The following KCNH7 variants were observed in gnomAD, a reference collection of about 807,000 sequenced individuals.
KCNH7 encodes the protein voltage-gated inwardly rectifying potassium channel KCNH7.
Under a neutral mutation model 120.8 loss-of-function variants are expected in KCNH7, and 49 were observed. The ratio of observed to expected loss-of-function variants is 0.41; its 90% CI spans 0.32 to 0.51. KCNH7 has a LOEUF of 0.51. Ranked by LOEUF, KCNH7 falls within the 20% of genes least tolerant of loss-of-function variation. The pLI is 0.38. For missense variants in KCNH7, 1,097 were observed against 1,446.6 expected, an observed-to-expected ratio of 0.76 and a Z score of 3.92; for synonymous variants, 547 against 516.1, an observed-to-expected ratio of 1.06 and a Z score of -0.81.
intron 2 of KCNH7, among the ~76,000 whole-genome samples, chr2:162,654,859 T>G (rs1417517832): frequency 6.6e-6 from 1 of 152,124 alleles, no homozygotes; most frequent in Non-Finnish European, 1.5e-5. Flanking sequence ...GACATTATAT[T>G]AAATGAAATA....
chr2:162,664,619 G>C (rs1685073068), intron 2 of KCNH7, among the ~76,000 whole-genome samples: 1 of 152,136 alleles, frequency 6.6e-6, no homozygotes, highest in Non-Finnish European at 1.5e-5. Context: ...AGGAGAGACA[G>C]AGAAAGTAAT....
chr2:162,586,358 T>C (rs1265212610), intron 2 of KCNH7, among the ~76,000 whole-genome samples: 1 of 152,042 alleles, frequency 6.6e-6, no homozygotes, highest in African/African-American at 2.4e-5. Flanking sequence ...TGAAAAACCT[T>C]AGGACAATGA....
At chr2:162,521,658 G>A (rs144193025) in intron 3 of KCNH7, among the ~76,000 whole-genome samples, 1 of 151,940 alleles carries the variant, frequency 6.6e-6, no homozygotes, top group East Asian at 2.0e-4. Flanking sequence ...TGAAGTGCAT[G>A]TGATATTTTG....
intron 2 of KCNH7, among the ~76,000 whole-genome samples, chr2:162,670,056 G>A (rs1399251152): frequency 1.3e-5 from 2 of 152,062 alleles, no homozygotes; most frequent in East Asian, 1.9e-4. Flanking sequence ...GCAGGAGATT[G>A]CGCCACTGTA....
chr2:162,780,983 TG>T (rs1683459321), intron 2 of KCNH7, among the ~76,000 whole-genome samples: 1 of 152,126 alleles, frequency 6.6e-6, no homozygotes, highest in East Asian at 1.9e-4. Flanking sequence ...TATATCCTAT[TG>T]TATATATCCA....
At position 162,813,687 on chromosome 2, in the gene KCNH7, C is replaced by G. The variant is rs190106618; in HGVS notation, c.307+22850G>C. 2.6e-5 allele frequency among the ~76,000 whole-genome samples: 4 copies of G among 152,266 alleles called. No individual in the cohort carries two copies. In the East Asian group the frequency reaches 5.8e-4, roughly 22 times the overall value. Reference sequence around the variant, plus strand: ...AACTTCCTTTTAATATTTGTATTCTCTTTTACATTTTTACACACTAAATAT... The same window carrying G: ...AACTTCCTTTTAATATTTGTATTCTGTTTTACATTTTTACACACTAAATAT... On this transcript the variant is annotated intron_variant, in intron 2 of 15. Coordinates refer to ENST00000332142, the MANE Select transcript of KCNH7 (RefSeq NM_033272.4).
chr2:162,602,290 G>A lies in KCNH7; in HGVS notation c.308-65210C>T, dbSNP rs146308941. ...ACAGCTTCAGGGCCTAGATGAACTG[G>A]AAGGTTGTTTAACAAGTTCATCCAA... On this transcript the variant is annotated intron_variant, in intron 2 of 15. Transcript: ENST00000332142. Among the ~76,000 whole-genome samples, 495 of 152,116 alleles carry A rather than the reference G, an allele frequency of 3.3e-3. 2 individuals are homozygous for A. The highest frequency in any genetic ancestry group is 5.1e-3 in the Non-Finnish European group (349 of 67,968).
chr2:162,380,288 G>C (rs1686371031), intron 13 of KCNH7, among the ~76,000 whole-genome samples: 1 of 150,550 alleles, frequency 6.6e-6, no homozygotes, highest in Non-Finnish European at 1.5e-5. Context: ...TTTTCTTTCT[G>C]TTTGTGCTAG....
At chr2:162,643,306 A>C (rs975523578) in intron 2 of KCNH7, among the ~76,000 whole-genome samples, 1 of 152,056 alleles carries the variant, frequency 6.6e-6, no homozygotes, top group Non-Finnish European at 1.5e-5. Context: ...ATTTATCAGA[A>C]CCTATTTGCA....
In KCNH7 at chr2:162,821,570, A is replaced by G. The variant is rs563111392; in HGVS notation, c.307+14967T>C. Among the ~76,000 whole-genome samples the G allele has an allele frequency of 2.0e-5, 3 of 152,342 alleles. No homozygotes were observed. The South Asian group carries it at 6.2e-4, about 32-fold the overall frequency. ...AATGGCATACATTTTGAAAAATGTC[A>G]GATATAGTTTGTATTCAGAGTGTCT... On this transcript the variant is annotated intron_variant, in intron 2 of 15. Transcript: ENST00000332142.
At chr2:162,422,826 T>C (rs1486903926) in intron 9 of KCNH7, among the ~76,000 whole-genome samples, 1 of 152,090 alleles carries the variant, frequency 6.6e-6, no homozygotes, top group Non-Finnish European at 1.5e-5. Flanking sequence ...AGAAAAAAAA[T>C]TCTTAAAAGT....
At chr2:162,637,152 C>T (rs893935311) in intron 2 of KCNH7, among the ~76,000 whole-genome samples, 1 of 152,076 alleles carries the variant, frequency 6.6e-6, no homozygotes, top group African/African-American at 2.4e-5. Context: ...GTTGATAGTG[C>T]CATTTTCCAT....
At chr2:162,607,220 C>CAAAAAAA (rs34786286) in intron 2 of KCNH7, among the ~76,000 whole-genome samples, 25 of 111,932 alleles carry the variant, frequency 2.2e-4, no homozygotes, top group Non-Finnish European at 3.2e-4. Context: ...ACTAAAAATA[C>CAAAAAAA]AAAAAAAAAA....
At chr2:162,735,439 C>G (rs1687871596) in intron 2 of KCNH7, among the ~76,000 whole-genome samples, 1 of 152,136 alleles carries the variant, frequency 6.6e-6, no homozygotes, top group South Asian at 2.1e-4. Flanking sequence ...GCTTATGGCA[C>G]CAGAGTCACA....
intron 9 of KCNH7, among the ~76,000 whole-genome samples, chr2:162,406,770 T>C (rs1336314517): frequency 6.6e-6 from 1 of 152,006 alleles, no homozygotes; most frequent in African/African-American, 2.4e-5. Context: ...TTAGCACTTG[T>C]AAGATACTAA....
In KCNH7 at chr2:162,431,963, G is replaced by A. The variant is rs552237263; in HGVS notation, c.1954+3235C>T. ...AAATCCACATGATAAATAGCACTACGTATTTTACTTAATCCTCACAAGTGG... is the reference window on the plus strand; with the variant it reads ...AAATCCACATGATAAATAGCACTACATATTTTACTTAATCCTCACAAGTGG... On this transcript the variant is annotated intron_variant, in intron 8 of 15. Transcript: ENST00000332142. Among the ~76,000 whole-genome samples the A allele has an allele frequency of 5.3e-5, 8 of 151,928 alleles. No individual in the cohort carries two copies. In the East Asian group the frequency reaches 1.2e-3, roughly 22 times the overall value.
At chr2:162,538,232 A>G (rs1473354569) in intron 2 of KCNH7, among the ~76,000 whole-genome samples, 1 of 152,006 alleles carries the variant, frequency 6.6e-6, no homozygotes, top group East Asian at 1.9e-4. Flanking sequence ...TTTACTTATT[A>G]TTATTTTTTT....
intron 2 of KCNH7, among the ~76,000 whole-genome samples, chr2:162,795,229 T>G (rs1399277731): frequency 6.6e-6 from 1 of 152,108 alleles, no homozygotes; most frequent in African/African-American, 2.4e-5. Context: ...AAAATCTTTT[T>G]TATCATTACC....
chr2:162,535,723 T>C (rs1405155292), intron 3 of KCNH7, among the ~76,000 whole-genome samples: 1 of 151,710 alleles, frequency 6.6e-6, no homozygotes, highest in Non-Finnish European at 1.5e-5. Context: ...AATCAAAAAA[T>C]AACCTCAACC....
Sources: gnomAD v4.1 joint callset for allele counts (sites outside exome capture counted in the v4.1 genomes callset) on GRCh38, gnomAD v4.1.1 for gene constraint, MANE v1.5 for transcripts, NCBI Gene and HGNC (gene_info 2026-07-23, HGNC 2026-07-21) for gene names.